ARHGAP15: variants seen among roughly 807,000 people sequenced by gnomAD.
The protein encoded by ARHGAP15 is Rho GTPase activating protein 15, also known as rho GTPase-activating protein 15.
In ARHGAP15, 51 loss-of-function variants were observed where a neutral mutation model predicts 63.7. The observed-to-expected ratio is 0.80, with a 90% confidence interval of 0.64 to 1.01. ARHGAP15 has a LOEUF of 1.01. Ranked by LOEUF, ARHGAP15 falls within the 50% of genes least tolerant of loss-of-function variation. The pLI, the probability that ARHGAP15 is intolerant of heterozygous loss-of-function variation, is 0.00. For synonymous variants in ARHGAP15, 191 were observed against 193.8 expected, an observed-to-expected ratio of 0.99 and a Z score of 0.12; for missense variants, 560 against 564.6, an observed-to-expected ratio of 0.99 and a Z score of 0.08.
chr2:143,666,531 A>C (rs1480131812), intron 12 of ARHGAP15, among the ~76,000 whole-genome samples: 5 of 144,444 alleles, frequency 3.5e-5, no homozygotes, highest in Non-Finnish European at 7.6e-5. Flanking sequence ...TGTCCAAAAC[A>C]CCAAAAGCAA....
Position 143,144,409 on chromosome 2 carries a change from A to G in ARHGAP15, c.-14-11068A>G, listed in dbSNP as rs141523536. Among the ~76,000 whole-genome samples, 326 of 152,074 alleles carry G rather than the reference A, an allele frequency of 2.1e-3. 1 individual carries two copies. The highest frequency in any genetic ancestry group is 6.8e-3 in the Middle Eastern group (2 of 294). ...CATTCCTTTTATGAACTATTTTTTA[A>G]GTGTTGAAATTGATGTTATTTTACT... On this transcript the variant is annotated intron_variant, in intron 1 of 13. Transcript: ENST00000295095.
At chr2:143,343,391 G>T (rs895238557) in intron 6 of ARHGAP15, among the ~76,000 whole-genome samples, 1 of 151,846 alleles carries the variant, frequency 6.6e-6, no homozygotes, top group East Asian at 1.9e-4. Context: ...GGTCAGAAAG[G>T]GTCAGAGAAA....
intron 1 of ARHGAP15, among the ~76,000 whole-genome samples, chr2:143,129,899 T>A (rs1254800868): frequency 1.3e-5 from 2 of 152,178 alleles, no homozygotes; most frequent in African/African-American, 4.8e-5. Flanking sequence ...GTGTGAAAGA[T>A]ACTCACTTTA....
intron 2 of ARHGAP15, among the ~76,000 whole-genome samples, chr2:143,195,683 G>A (rs1425690409): frequency 2.6e-5 from 4 of 152,120 alleles, no homozygotes; most frequent in African/African-American, 7.2e-5. Flanking sequence ...ATCCAGGGAC[G>A]TTGCTAATGG....
intron 8 of ARHGAP15, among the ~76,000 whole-genome samples, chr2:143,447,301 C>G (rs1391088313): frequency 2.0e-5 from 3 of 152,082 alleles, no homozygotes; most frequent in South Asian, 4.1e-4. Flanking sequence ...TTAAATAATA[C>G]ATATTAGAAT....
At chr2:143,525,335 CTG>C (rs1221585594) in intron 10 of ARHGAP15, among the ~76,000 whole-genome samples, 1 of 146,130 alleles carries the variant, frequency 6.8e-6, no homozygotes, top group Non-Finnish European at 1.5e-5. Flanking sequence ...ACAAAACAAA[CTG>C]ATAAAAATTA....
chr2:143,575,630 A>G (rs1257992139), intron 11 of ARHGAP15, among the ~76,000 whole-genome samples: 2 of 152,126 alleles, frequency 1.3e-5, no homozygotes, highest in South Asian at 2.1e-4. Flanking sequence ...TTCATTTTGC[A>G]AGTGGGAAAT....
intron 5 of ARHGAP15, among the ~76,000 whole-genome samples, chr2:143,229,508 T>C (rs1693356140): frequency 6.6e-6 from 1 of 152,198 alleles, no homozygotes; most frequent in Admixed American, 6.5e-5. Flanking sequence ...AAAACCTTGC[T>C]GCCCAAACAC....
intron 13 of ARHGAP15, among the ~76,000 whole-genome samples, chr2:143,716,672 A>G (rs1281868315): frequency 6.6e-6 from 1 of 152,238 alleles, no homozygotes; most frequent in East Asian, 1.9e-4. Context: ...AAAAAAATCA[A>G]GCAGACCTCA....
intron 8 of ARHGAP15, among the ~76,000 whole-genome samples, chr2:143,446,902 G>C (rs1044631232): frequency 1.3e-5 from 2 of 151,750 alleles, no homozygotes; most frequent in Non-Finnish European, 2.9e-5. Flanking sequence ...TCTTGCAATA[G>C]TTTGCTGAGA....
intron 10 of ARHGAP15, among the ~76,000 whole-genome samples, chr2:143,543,193 C>T (rs888941001): frequency 2.0e-5 from 3 of 151,974 alleles, no homozygotes; most frequent in Non-Finnish European, 2.9e-5. Context: ...TCTTCACATC[C>T]TTGCCAACAC....
chr2:143,482,662 G>A (rs896997957), intron 8 of ARHGAP15, among the ~76,000 whole-genome samples: 1 of 152,178 alleles, frequency 6.6e-6, no homozygotes, highest in African/African-American at 2.4e-5. Context: ...AGCGTAAACT[G>A]TTTTATAAGT....
intron 6 of ARHGAP15, among the ~76,000 whole-genome samples, chr2:143,289,386 C>A (rs1017494757): frequency 6.6e-6 from 1 of 152,162 alleles, no homozygotes; most frequent in Non-Finnish European, 1.5e-5. Flanking sequence ...TTGTACAAAT[C>A]AAAATCCATG....
At chr2:143,619,244 T>A (rs1232591899) in intron 11 of ARHGAP15, among the ~76,000 whole-genome samples, 1 of 152,204 alleles carries the variant, frequency 6.6e-6, no homozygotes, top group East Asian at 1.9e-4. Flanking sequence ...ACTGTCAAAT[T>A]TTTTCTTTCA....
chr2:143,327,616 A>G (rs150739768), intron 6 of ARHGAP15, among the ~76,000 whole-genome samples: 7,602 of 152,256 alleles, frequency 0.05, 486 homozygotes, highest in Admixed American at 0.2. Context: ...CTCAAGATGG[A>G]TTAAAGACTT....
chr2:143,624,563 G>A lies in ARHGAP15; in HGVS notation c.1138+296G>A, dbSNP rs541388668. ...AGTGTCTCATCAAATCTGCTTTAAA[G>A]GGTTCACTGTGTGCACCCCTCATCT... On this transcript the variant is annotated intron_variant, in intron 12 of 13. Transcript: ENST00000295095. Among the ~76,000 whole-genome samples, 73 of 152,194 alleles carry A rather than the reference G, an allele frequency of 4.8e-4. No individual in the cohort carries two copies. In the South Asian group the frequency reaches 0.015, roughly 31 times the overall value.
chr2:143,654,565 T>C (rs2105306843), intron 12 of ARHGAP15, among the ~76,000 whole-genome samples: 1 of 152,346 alleles, frequency 6.6e-6, no homozygotes, highest in South Asian at 2.1e-4. Flanking sequence ...ATGCATCACA[T>C]ACTTCCCTAA....
At chr2:143,308,812 C>T (rs911530675) in intron 6 of ARHGAP15, among the ~76,000 whole-genome samples, 2 of 151,610 alleles carry the variant, frequency 1.3e-5, no homozygotes, top group East Asian at 3.9e-4. Context: ...TTTATTTACA[C>T]TTTCCCATAG....
At chr2:143,679,845 G>A (rs773692816) in intron 12 of ARHGAP15, among the ~76,000 whole-genome samples, 92 of 151,990 alleles carry the variant, frequency 6.1e-4, no homozygotes, top group Non-Finnish European at 1.0e-4. Context: ...TCAGTATCAG[G>A]GAGAGATCTC....
Sources: gnomAD v4.1 joint callset for allele counts (sites outside exome capture counted in the v4.1 genomes callset) on GRCh38, gnomAD v4.1.1 for gene constraint, MANE v1.5 for transcripts, NCBI Gene and HGNC (gene_info 2026-07-23, HGNC 2026-07-21) for gene names.